The following DSC3 variants were observed in gnomAD, a reference collection of about 807,000 sequenced individuals.
The protein encoded by DSC3 is desmocollin 3, also known as desmocollin-3.
In DSC3, 97 loss-of-function variants were observed where a neutral mutation model predicts 89.5. That is an observed-to-expected ratio of 1.08 (90% confidence interval 0.92 to 1.28). The LOEUF is 1.28. DSC3 is among the 50% of genes most tolerant of loss of function. The probability of loss-of-function intolerance (pLI) is 0.00; values close to 1 mark genes in which losing one functional copy is unlikely to be tolerated. For missense variants in DSC3, 1,199 were observed against 1,085.3 expected, an observed-to-expected ratio of 1.10 and a Z score of -1.47; for synonymous variants, 436 against 384.1, an observed-to-expected ratio of 1.14 and a Z score of -1.58.
At chr18:30,997,146 T>C in intron 14 of DSC3, 98 bp from the exon 15 acceptor site, 2 of 1,236,454 alleles carry the variant, frequency 1.6e-6, no homozygotes, top group South Asian at 2.6e-5. Context: ...AACCTTTTAT[T>C]CATTCATTCA....
At position 30,991,348 on chromosome 18, in the gene DSC3, A is replaced by G. The variant is rs962729097; in HGVS notation, c.*2827T>C. 2 of 152,648 alleles carry G rather than the reference A, an allele frequency of 1.3e-5. No individual in the cohort carries two copies. The highest frequency in any genetic ancestry group is 2.9e-5 in the Non-Finnish European group (2 of 68,040). 9.5% of individuals were successfully genotyped at this position (152,648 alleles called of 1,614,324 possible). A position where few individuals can be genotyped will look rare whatever the true frequency, so the allele number is the denominator to read the frequency against. On this transcript the variant is annotated 3_prime_UTR_variant, in exon 16 of 16. Coordinates refer to ENST00000360428, the MANE Select transcript of DSC3 (RefSeq NM_001941.5). Reference sequence around the variant, plus strand: ...GCTTTAAAAATATATTTTCTTGCACACTCAAATACCATAAATTTCACCTTA... The same window carrying G: ...GCTTTAAAAATATATTTTCTTGCACGCTCAAATACCATAAATTTCACCTTA...
intron 4 of DSC3, among the ~76,000 whole-genome samples, chr18:31,028,049 A>G (rs1383858907): frequency 6.6e-6 from 1 of 152,110 alleles, no homozygotes; most frequent in Non-Finnish European, 1.5e-5. Flanking sequence ...GTTAATATCA[A>G]TTAGATAGTT....
chr18:31,016,186 T>C (rs74496031), intron 9 of DSC3, among the ~76,000 whole-genome samples: 8,620 of 152,178 alleles, frequency 0.057, 807 homozygotes, highest in African/African-American at 0.2. Flanking sequence ...AGCATATAAT[T>C]AAGGAGTAGT....
In DSC3 at chr18:30,990,855, T is replaced by C. The variant is rs1598590917; in HGVS notation, c.*3320A>G. Reference sequence around the variant, plus strand: ...CATATGTATCATAGATACTCATCTGTAAAGCTGTGCTTCAAAATAGTGATC... The same window carrying C: ...CATATGTATCATAGATACTCATCTGCAAAGCTGTGCTTCAAAATAGTGATC... On this transcript the variant is annotated 3_prime_UTR_variant, in exon 16 of 16. Coordinates refer to ENST00000360428, the MANE Select transcript of DSC3 (RefSeq NM_001941.5). The C allele has an allele frequency of 1.3e-5, 2 of 152,342 alleles. No homozygotes were observed. Among genetic ancestry groups the C allele is most frequent in the Middle Eastern group, 3.4e-3 (1 of 294 alleles). 9.4% of individuals were successfully genotyped at this position (152,342 alleles called of 1,614,324 possible).
rs1021628896 is a variant in DSC3, at chr18:31,009,857, T to C, written c.1264-1332A>G. On this transcript the variant is annotated intron_variant, in intron 9 of 15. Transcript: ENST00000360428. ...GGTAGTCTGACCTGAGTCCATTTCC[T>C]TAGCCTACGCTATAATCCCTCTGCT... Among the ~76,000 whole-genome samples, 3 of 152,254 alleles carry C rather than the reference T, an allele frequency of 2.0e-5. No individual in the cohort carries two copies. The East Asian group carries it at 5.8e-4, about 29-fold the overall frequency.
At chr18:31,021,303 C>T (rs1431753491) in intron 7 of DSC3, among the ~76,000 whole-genome samples, 2 of 152,154 alleles carry the variant, frequency 1.3e-5, no homozygotes, top group Non-Finnish European at 2.9e-5. Flanking sequence ...TTGATTACTA[C>T]ATCATCCCTA....
chr18:31,031,967 G>A (rs1985804653), intron 2 of DSC3, among the ~76,000 whole-genome samples: 1 of 152,146 alleles, frequency 6.6e-6, no homozygotes, highest in African/African-American at 2.4e-5. Context: ...GTCCCAGGTG[G>A]AAATATTTAG....
At chr18:31,004,080 T>G (rs1354630847) in intron 13 of DSC3, 62 bp downstream of exon 13, 22 of 1,325,464 alleles carry the variant, frequency 1.7e-5, no homozygotes, top group Non-Finnish European at 2.4e-5. Context: ...TTTTTAAACA[T>G]CTTTTCCCAC....
intron 6 of DSC3, 38 bp downstream of exon 6, chr18:31,024,311 T>C: frequency 1.3e-6 from 2 of 1,534,816 alleles, no homozygotes. Flanking sequence ...CACAGACATA[T>C]TTAAAATGAT....
intron 9 of DSC3, among the ~76,000 whole-genome samples, chr18:31,015,843 A>G (rs144059697): frequency 1.3e-5 from 2 of 152,298 alleles, no homozygotes; most frequent in African/African-American, 4.8e-5. Context: ...GGGGTGAGGT[A>G]GGAGATCAGC....
intron 15 of DSC3, among the ~76,000 whole-genome samples, chr18:30,995,568 G>A (rs1984425315): frequency 6.6e-6 from 1 of 152,014 alleles, no homozygotes; most frequent in South Asian, 2.1e-4. Context: ...CTGCACATTT[G>A]AATCATCTCG....
chr18:31,005,923 T>C (rs1356088059), intron 12 of DSC3, among the ~76,000 whole-genome samples: 1 of 152,104 alleles, frequency 6.6e-6, no homozygotes, highest in Non-Finnish European at 1.5e-5. Flanking sequence ...GACGAGTGCT[T>C]AATAGATAGT....
In DSC3 at chr18:30,990,758, T is replaced by A. The variant is rs1984207854; in HGVS notation, c.*3417A>T. ...TCAAAGTAAAACCCCTGTGTCAGTG[T>A]ACTATTCATGGAATACTCTGCAATT... On this transcript the variant is annotated 3_prime_UTR_variant, in exon 16 of 16. Transcript: ENST00000360428. 1 of 152,214 alleles carries A rather than the reference T, an allele frequency of 6.6e-6. No homozygotes were observed. Among genetic ancestry groups the A allele is most frequent in the South Asian group, 2.1e-4 (1 of 4,832 alleles). The allele number at this position is 152,214 out of a possible 1,614,324, so 9.4% of individuals were successfully genotyped here.
At chr18:31,025,959 C>A in intron 4 of DSC3, 44 bp from the exon 5 acceptor site, 1 of 1,548,658 alleles carries the variant, frequency 6.5e-7, no homozygotes, top group South Asian at 1.2e-5. Context: ...AAACTAAATT[C>A]AGTTACAATA....
At chr18:31,038,785 T>C (rs975191574) in intron 1 of DSC3, among the ~76,000 whole-genome samples, 1 of 152,070 alleles carries the variant, frequency 6.6e-6, no homozygotes, top group Non-Finnish European at 1.5e-5. Context: ...AATGGAACAT[T>C]ACTAATATTT....
At chr18:31,033,668 T>A (rs996883767) in intron 1 of DSC3, among the ~76,000 whole-genome samples, 1 of 152,182 alleles carries the variant, frequency 6.6e-6, no homozygotes, top group South Asian at 2.1e-4. Flanking sequence ...ATCTTTATGA[T>A]GTTGGGTTAG....
intron 13 of DSC3, among the ~76,000 whole-genome samples, chr18:31,002,801 A>G (rs1416525179): frequency 6.6e-6 from 1 of 152,186 alleles, no homozygotes; most frequent in Admixed American, 6.5e-5. Context: ...AGTAAAGCCC[A>G]TAATTCACAT....
chr18:31,004,179 T>A lies in DSC3; in HGVS notation c.2076A>T (p.Ala692=), dbSNP rs746901170. ...RSTGVILGKW[A]ILAILLGIAL... ...CTATACCCAGTAATATTGCAAGGAT[T>A]GCCCATTTTCCAAGTATTACTCCTG... Residue 692 remains alanine (A), a synonymous_variant, in exon 13 of 16, where the codon GCA becomes GCT. Coordinates refer to ENST00000360428, the MANE Select transcript of DSC3 (RefSeq NM_001941.5). 6.2e-6 allele frequency: 10 copies of A among 1,613,770 alleles called. No homozygotes were observed. The Admixed American group carries it at 1.7e-4, about 27-fold the overall frequency.
At position 30,993,908 on chromosome 18, in the gene DSC3, T is replaced by C; in HGVS notation, c.*267A>G. 3.0e-6 allele frequency: 1 copy of C among 337,696 alleles called. No individual in the cohort carries two copies. Among genetic ancestry groups the C allele is most frequent in the Admixed American group, 4.5e-5 (1 of 22,190 alleles). The allele number at this position is 337,696 out of a possible 1,614,324, so 20.9% of individuals were successfully genotyped here. ...TTATCCAGCATATTTATTACTAAAA[T>C]ATCCGTAAAAAAAAAAAAGAGCAGA... is the stretch of plus-strand genomic sequence containing the variant. On this transcript the variant is annotated 3_prime_UTR_variant, in exon 16 of 16. Transcript: ENST00000360428.
Sources: gnomAD v4.1 joint callset for allele counts (sites outside exome capture counted in the v4.1 genomes callset) on GRCh38, gnomAD v4.1.1 for gene constraint, MANE v1.5 for transcripts, NCBI Gene and HGNC (gene_info 2026-07-23, HGNC 2026-07-21) for gene names.